Variants in PRDM5 observed in about 807,000 individuals in gnomAD.
The protein encoded by PRDM5 is PR domain zinc finger protein 5.
A neutral mutation model predicts 81.2 loss-of-function variants in PRDM5; 56 were observed. That is an observed-to-expected ratio of 0.69 (90% CI 0.56 to 0.86). The LOEUF is 0.86. Among genes scored for constraint, PRDM5 ranks in the 40% least tolerant of loss-of-function variants. The pLI, the probability that PRDM5 is intolerant of heterozygous loss-of-function variation, is 0.00. For synonymous variants in PRDM5, 267 were observed against 256.4 expected (o/e 1.04, Z -0.39); for missense variants, 697 against 770.1 (o/e 0.91, Z 1.12).
chr4:120,732,066 C>T (rs982680626), intron 14 of PRDM5, among the ~76,000 whole-genome samples: 1 of 152,056 alleles, frequency 6.6e-6, no homozygotes, highest in Non-Finnish European at 1.5e-5. Context: ...AATGTTGAAC[C>T]ATCTCAGGAT....
chr4:120,818,114 T>C (rs960421035), intron 5 of PRDM5: 1 of 472,522 alleles, frequency 2.1e-6, no homozygotes, highest in Non-Finnish European at 3.8e-6. Context: ...CTAATTACCA[T>C]AAACAGTGTT....
intron 14 of PRDM5, among the ~76,000 whole-genome samples, chr4:120,718,485 G>A (rs1327296851): frequency 2.0e-5 from 3 of 152,026 alleles, no homozygotes; most frequent in Non-Finnish European, 4.4e-5. Context: ...AAATTTAAAA[G>A]AAAATCTAAA....
chr4:120,814,061 T>G (rs1443610849), intron 7 of PRDM5, among the ~76,000 whole-genome samples: 1 of 152,206 alleles, frequency 6.6e-6, no homozygotes, highest in Non-Finnish European at 1.5e-5. Context: ...CTAGCTCCTC[T>G]GAGAAGACAC....
chr4:120,697,853 A>G (rs1040497064), intron 15 of PRDM5, among the ~76,000 whole-genome samples: 2 of 151,860 alleles, frequency 1.3e-5, no homozygotes, highest in African/African-American at 4.8e-5. Flanking sequence ...AAAGGCAAGA[A>G]GAAACATAGA....
At chr4:120,710,256 C>CA in intron 15 of PRDM5, 53 bp downstream of exon 15, 1 of 1,440,864 alleles carries the variant, frequency 6.9e-7, no homozygotes, top group Non-Finnish European at 9.7e-7. Flanking sequence ...CACACACACA[C>CA]CCCTACTTTC....
intron 14 of PRDM5, among the ~76,000 whole-genome samples, chr4:120,730,750 A>G (rs145541167): frequency 1.0e-3 from 152 of 152,208 alleles, no homozygotes; most frequent in African/African-American, 3.3e-3. Context: ...TAAAGATAAT[A>G]CAGTGGTGGT....
At chr4:120,881,914 A>G (rs1762882357) in intron 2 of PRDM5, among the ~76,000 whole-genome samples, 1 of 152,212 alleles carries the variant, frequency 6.6e-6, no homozygotes. Flanking sequence ...TTCTTTTACA[A>G]TCCCTCTGAC....
chr4:120,811,812 A>ATG (rs1292739677), intron 7 of PRDM5, among the ~76,000 whole-genome samples: 1 of 152,036 alleles, frequency 6.6e-6, no homozygotes, highest in Non-Finnish European at 1.5e-5. Flanking sequence ...TAGGCATGCA[A>ATG]TGTGTAATAA....
In PRDM5 at chr4:120,695,115, C is replaced by A. The variant is rs1435532850; in HGVS notation, c.1889G>T (p.Ser630Ile). Residue 630 changes from serine to isoleucine, a missense_variant, in exon 16 of 16, where the codon AGC becomes ATC. By Grantham distance (142) the Ser-to-Ile change is moderately radical. Transcript: ENST00000264808. ...HMDNIHGVAD[S>I] ...TTAATTCCTTTACAGCCCCTATTAG[C>A]TGTCAGCTACACCATGGATATTGTC... 2.5e-6 allele frequency: 4 copies of A among 1,612,610 alleles called. No individual in the cohort carries two copies. The highest frequency in any genetic ancestry group is 1.7e-4 in the Middle Eastern group (1 of 6,052).
At chr4:120,775,698 A>G (rs926811747) in intron 13 of PRDM5, among the ~76,000 whole-genome samples, 10 of 152,180 alleles carry the variant, frequency 6.6e-5, no homozygotes, top group African/African-American at 1.7e-4. Context: ...ATGTACATGC[A>G]CACTAATACA....
chr4:120,772,946 C>A (rs1747514814), intron 13 of PRDM5, among the ~76,000 whole-genome samples: 1 of 152,194 alleles, frequency 6.6e-6, no homozygotes, highest in Non-Finnish European at 1.5e-5. Flanking sequence ...CTGTAGCCTT[C>A]ACAGCCACAA....
chr4:120,917,398 C>A (rs1724307872), intron 1 of PRDM5, among the ~76,000 whole-genome samples: 1 of 152,108 alleles, frequency 6.6e-6, no homozygotes, highest in Non-Finnish European at 1.5e-5. Flanking sequence ...ACCTTTTCTG[C>A]CAAGTCAACC....
intron 2 of PRDM5, among the ~76,000 whole-genome samples, chr4:120,901,324 A>T (rs1240812239): frequency 2.0e-5 from 3 of 152,212 alleles, no homozygotes; most frequent in Non-Finnish European, 4.4e-5. Context: ...AAATCATGAT[A>T]ATTTGATCCT....
At chr4:120,890,496 G>A (rs1255931659) in intron 2 of PRDM5, among the ~76,000 whole-genome samples, 5 of 152,212 alleles carry the variant, frequency 3.3e-5, no homozygotes, top group Admixed American at 3.3e-4. Flanking sequence ...TAATGGGAAT[G>A]CTGAGTCAAA....
In PRDM5 at chr4:120,922,634, T is replaced by A. The variant is rs1725117748; in HGVS notation, c.-26A>T. Reference sequence around the variant, plus strand: ...TTTCCCGGGCGCGGCGGCCGCCGCCTCTCTCAACACCGGCGCTTAGCGCCC... The same window carrying A: ...TTTCCCGGGCGCGGCGGCCGCCGCCACTCTCAACACCGGCGCTTAGCGCCC... On this transcript the variant is annotated 5_prime_UTR_variant, in exon 1 of 16. Transcript: ENST00000264808. The A allele has an allele frequency of 1.3e-6, 2 of 1,571,940 alleles. No homozygotes were observed. Among genetic ancestry groups the A allele is most frequent in the East Asian group, 4.7e-5 (2 of 42,570 alleles).
At chr4:120,712,907 C>T (rs1560942400) in intron 14 of PRDM5, among the ~76,000 whole-genome samples, 1 of 152,080 alleles carries the variant, frequency 6.6e-6, no homozygotes. Flanking sequence ...AAATAATGTT[C>T]CTCTGAAAAA....
At chr4:120,768,882 T>C (rs982754765) in intron 13 of PRDM5, among the ~76,000 whole-genome samples, 4 of 152,206 alleles carry the variant, frequency 2.6e-5, no homozygotes, top group African/African-American at 9.6e-5. Context: ...AACCATGTTA[T>C]TAATGATCAT....
chr4:120,785,060 T>C lies in PRDM5; in HGVS notation c.1220A>G (p.Glu407Gly), dbSNP rs768540305. The change falls in exon 11 of 16, where the codon GAA (glutamate) becomes GGA (glycine). Residue 407 changes from glutamate (E) to glycine (G), a missense_variant. Physicochemically the swap from Glu to Gly is moderately conservative, Grantham distance 98. This residue lies in a region of PRDM5 where 577 missense variants were observed against 606.7 expected (regional missense o/e 0.95). Transcript: ENST00000264808. ...GGTCCGGAACAAAGCTTTACATTCT[T>C]CACATTGGAACGGTCTCTCCTCAGA... ...THSEERPFQC[E>G]ECKALFRTPF... 1 of 1,611,828 alleles carries C rather than the reference T, an allele frequency of 6.2e-7. No individual in the cohort carries two copies. Among genetic ancestry groups the C allele is most frequent in the Non-Finnish European group, 8.5e-7 (1 of 1,178,198 alleles).
Position 120,695,021 on chromosome 4 carries a change from T to C in PRDM5, c.*90A>G. 6.9e-7 allele frequency: 1 copy of C among 1,445,772 alleles called. No individual in the cohort carries two copies. The highest frequency in any genetic ancestry group is 9.7e-7 in the Non-Finnish European group (1 of 1,031,424). The allele number at this position is 1,445,772 out of a possible 1,614,324, so 89.6% of individuals were successfully genotyped here. On this transcript the variant is annotated 3_prime_UTR_variant, in exon 16 of 16. Coordinates refer to ENST00000264808, the MANE Select transcript of PRDM5 (RefSeq NM_018699.4). ...AACTATGAGACCAGTAAGTCACTTTTGGCTACTTCTGTTATGCTGATCAGG... is the reference window on the plus strand; with the variant it reads ...AACTATGAGACCAGTAAGTCACTTTCGGCTACTTCTGTTATGCTGATCAGG...
Sources: gnomAD v4.1 joint callset for allele counts (sites outside exome capture counted in the v4.1 genomes callset) on GRCh38, gnomAD v4.1.1 for gene constraint, gnomAD v4.1.1 regional missense constraint, MANE v1.5 for transcripts, NCBI Gene and HGNC (gene_info 2026-07-23, HGNC 2026-07-21) for gene names.